The following DSCAM variants were observed in gnomAD, a reference collection of about 807,000 sequenced individuals.
DSCAM encodes the protein DS cell adhesion molecule.
In DSCAM, 47 loss-of-function variants were observed where a neutral mutation model predicts 217.7. The observed-to-expected ratio is 0.22, with a 90% confidence interval of 0.17 to 0.28. The LOEUF (loss-of-function observed/expected upper bound fraction) is 0.28. Among genes scored for constraint, DSCAM ranks in the 10% least tolerant of loss-of-function variants. The probability of loss-of-function intolerance (pLI) is 1.00; values close to 1 mark genes in which losing one functional copy is unlikely to be tolerated. For synonymous variants in DSCAM, 1,056 were observed against 1,015.3 expected (o/e 1.04, Z -0.76); for missense variants, 2,080 against 2,618.3 (o/e 0.79, Z 4.49).
chr21:40,468,470 A>G (rs2075862423), intron 3 of DSCAM, among the ~76,000 whole-genome samples: 2 of 152,234 alleles, frequency 1.3e-5, no homozygotes, highest in African/African-American at 4.8e-5. Flanking sequence ...TGAAATGTCC[A>G]TGAACTCAAG....
intron 32 of DSCAM, among the ~76,000 whole-genome samples, chr21:40,033,431 C>A (rs552694163): frequency 3.9e-5 from 6 of 152,276 alleles, no homozygotes; most frequent in Non-Finnish European, 7.3e-5. Flanking sequence ...CCTGGAAAAT[C>A]GGGTCACTCC....
At chr21:40,469,288 T>C (rs1289083604) in intron 3 of DSCAM, among the ~76,000 whole-genome samples, 1 of 151,948 alleles carries the variant, frequency 6.6e-6, no homozygotes, top group Admixed American at 6.6e-5. Flanking sequence ...TTCTCAGAAA[T>C]GATGGATGGT....
At chr21:40,469,638 T>G (rs2075872166) in intron 3 of DSCAM, among the ~76,000 whole-genome samples, 1 of 152,172 alleles carries the variant, frequency 6.6e-6, no homozygotes, top group Admixed American at 6.5e-5. Flanking sequence ...TAAGACATAC[T>G]GGGAGGATGG....
chr21:40,409,713 A>G (rs1370403519), intron 3 of DSCAM, among the ~76,000 whole-genome samples: 2 of 152,226 alleles, frequency 1.3e-5, no homozygotes, highest in African/African-American at 4.8e-5. Flanking sequence ...TGAGAAATCA[A>G]GTAGAAACCA....
chr21:40,280,070 T>C (rs1055883196), intron 10 of DSCAM, among the ~76,000 whole-genome samples: 3 of 151,984 alleles, frequency 2.0e-5, no homozygotes, highest in Admixed American at 2.0e-4. Context: ...GTGGCACATT[T>C]ATACCTATGT....
chr21:40,261,766 T>C (rs2073455667), intron 11 of DSCAM, among the ~76,000 whole-genome samples: 1 of 152,162 alleles, frequency 6.6e-6, no homozygotes, highest in Non-Finnish European at 1.5e-5. Flanking sequence ...TATCTCTCTA[T>C]ATGTCTTATT....
At chr21:40,670,386 A>T (rs2090258449) in intron 3 of DSCAM, among the ~76,000 whole-genome samples, 1 of 152,100 alleles carries the variant, frequency 6.6e-6, no homozygotes, top group Non-Finnish European at 1.5e-5. Context: ...AACAAAAAAA[A>T]AATTAGCTGG....
chr21:40,082,296 TA>T (rs978816277), intron 24 of DSCAM, among the ~76,000 whole-genome samples: 1 of 152,060 alleles, frequency 6.6e-6, no homozygotes, highest in Admixed American at 6.5e-5. Context: ...CCATCTCTAC[TA>T]AAAGTACAAA....
intron 28 of DSCAM, among the ~76,000 whole-genome samples, chr21:40,057,188 C>T (rs1230960449): frequency 6.6e-6 from 1 of 152,244 alleles, no homozygotes. Flanking sequence ...TATGTACCTA[C>T]ATCATGCTAA....
At chr21:40,534,507 T>G (rs73902672) in intron 3 of DSCAM, among the ~76,000 whole-genome samples, 1 of 152,242 alleles carries the variant, frequency 6.6e-6, no homozygotes, top group African/African-American at 2.4e-5. Context: ...CTTGGGGTGA[T>G]CCATGTGTGT....
chr21:40,818,340 A>G (rs2091899862), intron 1 of DSCAM, among the ~76,000 whole-genome samples: 1 of 151,282 alleles, frequency 6.6e-6, no homozygotes, highest in Non-Finnish European at 1.5e-5. Context: ...AGGTCAGGAG[A>G]ATGAGACCAT....
At chr21:40,380,355 TA>T (rs1345419904) in intron 3 of DSCAM, among the ~76,000 whole-genome samples, 1 of 152,242 alleles carries the variant, frequency 6.6e-6, no homozygotes, top group Non-Finnish European at 1.5e-5. Context: ...AAGAATTTTT[TA>T]TTAAAGAACC....
At chr21:40,385,773 T>C (rs1386043602) in intron 3 of DSCAM, among the ~76,000 whole-genome samples, 1 of 152,208 alleles carries the variant, frequency 6.6e-6, no homozygotes, top group Non-Finnish European at 1.5e-5. Flanking sequence ...ATGCTTTGTC[T>C]TTTCTTCAAA....
chr21:40,784,806 C>T (rs1373559245), intron 1 of DSCAM, among the ~76,000 whole-genome samples: 2 of 152,294 alleles, frequency 1.3e-5, no homozygotes, highest in Middle Eastern at 3.4e-3. Flanking sequence ...GATGCCGAAC[C>T]TTCTGCTGCT....
intron 1 of DSCAM, among the ~76,000 whole-genome samples, chr21:40,761,261 T>C (rs2091331862): frequency 6.6e-6 from 1 of 152,206 alleles, no homozygotes; most frequent in South Asian, 2.1e-4. Flanking sequence ...GTACCTGTTA[T>C]CAAATGTTTT....
chr21:40,302,388 C>T (rs1385162670), intron 9 of DSCAM, among the ~76,000 whole-genome samples: 1 of 152,134 alleles, frequency 6.6e-6, no homozygotes, highest in East Asian at 1.9e-4. Flanking sequence ...CTCTCTCTTG[C>T]CTGCCACCAT....
chr21:40,581,833 T>C (rs1260334450), intron 3 of DSCAM, among the ~76,000 whole-genome samples: 1 of 152,204 alleles, frequency 6.6e-6, no homozygotes, highest in African/African-American at 2.4e-5. Context: ...CATTTTCATA[T>C]AGAAGAATTT....
intron 11 of DSCAM, among the ~76,000 whole-genome samples, chr21:40,247,715 G>A (rs1487415905): frequency 6.6e-6 from 1 of 152,216 alleles, no homozygotes; most frequent in Non-Finnish European, 1.5e-5. Flanking sequence ...GATGCAAACT[G>A]TCAGTGGATC....
intron 6 of DSCAM, among the ~76,000 whole-genome samples, chr21:40,341,093 T>A (rs112822790): frequency 6.6e-6 from 1 of 152,240 alleles, no homozygotes; most frequent in Admixed American, 6.5e-5. Context: ...ATAAGTAGCA[T>A]ATTGCAGTGT....
Sources: allele counts gnomAD v4.1 joint callset (sites outside exome capture counted in the v4.1 genomes callset), GRCh38; gene constraint gnomAD v4.1.1; transcripts MANE v1.5; gene names NCBI Gene and HGNC (gene_info 2026-07-23, HGNC 2026-07-21).